GALNT13: variants seen among roughly 807,000 people sequenced by gnomAD.
The protein encoded by GALNT13 is polypeptide N-acetylgalactosaminyltransferase 13.
GALNT13 carries 28 observed loss-of-function variants against 64.2 expected under a neutral mutation model. The ratio of observed to expected loss-of-function variants is 0.44; its 90% CI spans 0.32 to 0.60. The LOEUF is 0.60. Among genes scored for constraint, GALNT13 ranks in the 20% least tolerant of loss-of-function variants. The pLI is 0.05. For missense variants in GALNT13, 577 were observed against 669.8 expected, an observed-to-expected ratio of 0.86 and a Z score of 1.53; for synonymous variants, 214 against 224.6, an observed-to-expected ratio of 0.95 and a Z score of 0.42.
At chr2:154,440,237 T>C (rs1001206288) in intron 12 of GALNT13, among the ~76,000 whole-genome samples, 1 of 152,198 alleles carries the variant, frequency 6.6e-6, no homozygotes. Flanking sequence ...GAAAGGGGAA[T>C]GATCGTGTAC....
chr2:153,512,525 T>G, the GALNT13 span, among the ~76,000 whole-genome samples: 1 of 152,158 alleles, frequency 6.6e-6, no homozygotes, highest in Non-Finnish European at 1.5e-5. Context: ...TATATTCCAG[T>G]CACACTTCCT....
the GALNT13 span, among the ~76,000 whole-genome samples, chr2:153,354,033 T>C: frequency 6.6e-6 from 1 of 152,178 alleles, no homozygotes; most frequent in Non-Finnish European, 1.5e-5. Flanking sequence ...GGCCTGGTAC[T>C]TTCTGTTTTG....
chr2:154,017,251 T>C (rs946656733), intron 3 of GALNT13, among the ~76,000 whole-genome samples: 1 of 152,120 alleles, frequency 6.6e-6, no homozygotes, highest in Non-Finnish European at 1.5e-5. Context: ...GTAAATGATA[T>C]GAAATATAAT....
chr2:154,211,163 A>G (rs1453731282), intron 4 of GALNT13, among the ~76,000 whole-genome samples: 10 of 152,152 alleles, frequency 6.6e-5, no homozygotes, highest in Admixed American at 6.5e-4. Context: ...TTATTTTGTC[A>G]TGCAAACATC....
intron 3 of GALNT13, among the ~76,000 whole-genome samples, chr2:154,084,874 T>A (rs940811902): frequency 6.6e-6 from 1 of 151,968 alleles, no homozygotes; most frequent in African/African-American, 2.4e-5. Context: ...ACATTTGCCT[T>A]AAATTTGTTA....
chr2:153,213,151 G>A, the GALNT13 span, among the ~76,000 whole-genome samples: 108 of 152,254 alleles, frequency 7.1e-4, no homozygotes, highest in African/African-American at 2.5e-3. Context: ...AAGAACCCTG[G>A]AACTTTATTA....
At chr2:154,340,899 AGTGTGTGT>A (rs57448184) in intron 9 of GALNT13, among the ~76,000 whole-genome samples, 1 of 149,200 alleles carries the variant, frequency 6.7e-6, no homozygotes, top group Non-Finnish European at 1.5e-5. Flanking sequence ...TGTGTGTATG[AGTGTGTGT>A]GTGTGTGTGT....
the GALNT13 span, among the ~76,000 whole-genome samples, chr2:153,333,202 T>A: frequency 6.6e-6 from 1 of 152,170 alleles, no homozygotes; most frequent in East Asian, 1.9e-4. Flanking sequence ...TTGGGAAAAA[T>A]ATCTGAAGCT....
chr2:153,201,477 T>C, the GALNT13 span, among the ~76,000 whole-genome samples: 1 of 152,226 alleles, frequency 6.6e-6, no homozygotes, highest in African/African-American at 2.4e-5. Flanking sequence ...ATATTGGTCA[T>C]GTCTTTAAAA....
At chr2:153,208,973 CT>C in the GALNT13 span, among the ~76,000 whole-genome samples, 2,498 of 74,568 alleles carry the variant, frequency 0.033, 25 homozygotes, top group African/African-American at 0.087. Context: ...TGGTTTTGGT[CT>C]TTTTTTTTTT....
At position 153,944,637 on chromosome 2, in the gene GALNT13, G is replaced by A. The variant is rs750826926; in HGVS notation, c.140G>A (p.Arg47Lys). 4 of 1,612,460 alleles carry A rather than the reference G, an allele frequency of 2.5e-6. No individual in the cohort carries two copies. The highest frequency in any genetic ancestry group is 2.5e-6 in the Non-Finnish European group (3 of 1,179,028). ...KKERSLLPAL[R>K]AVISRNQEGP... ...GAGAGATCTCTGCTGCCTGCATTGAGGGGTAAGTGCTTATGAAGCAAATAC... is the reference window on the plus strand; with the variant it reads ...GAGAGATCTCTGCTGCCTGCATTGAAGGGTAAGTGCTTATGAAGCAAATAC... Residue 47 changes from arginine (R) to lysine (K), a missense_variant and splice_region_variant, in exon 3 of 13, where the codon AGG (arginine) becomes AAG (lysine). By Grantham distance (26) the Arg-to-Lys change is conservative. Transcript: ENST00000392825.
chr2:153,729,431 G>C, the GALNT13 span, among the ~76,000 whole-genome samples: 1 of 151,928 alleles, frequency 6.6e-6, no homozygotes, highest in Admixed American at 6.6e-5. Context: ...AAAAATTAAG[G>C]TTACTGATTA....
At chr2:153,834,403 A>G in the GALNT13 span, among the ~76,000 whole-genome samples, 2 of 152,152 alleles carry the variant, frequency 1.3e-5, no homozygotes, top group East Asian at 3.8e-4. Context: ...AAGCCAAAGA[A>G]TCTCAGCCTT....
chr2:154,194,290 A>C lies in GALNT13; in HGVS notation c.312-47740A>C, dbSNP rs545582130. On this transcript the variant is annotated intron_variant, in intron 4 of 12. Coordinates refer to ENST00000392825, the MANE Select transcript of GALNT13 (RefSeq NM_052917.4). ...ACTAACACTGACCATTCTGTGCTTT[A>C]TTGACTCTAGACCATTATTCAGTGT... Among the ~76,000 whole-genome samples the C allele has an allele frequency of 1.1e-4, 17 of 152,330 alleles. No individual in the cohort carries two copies. In the East Asian group the frequency reaches 1.7e-3, roughly 16 times the overall value.
At chr2:153,298,828 G>C in the GALNT13 span, among the ~76,000 whole-genome samples, 3 of 152,172 alleles carry the variant, frequency 2.0e-5, no homozygotes, top group Non-Finnish European at 4.4e-5. Flanking sequence ...ATAGTTGGGA[G>C]CTCCCCTGAT....
chr2:153,808,503 G>A, the GALNT13 span, among the ~76,000 whole-genome samples: 2 of 151,810 alleles, frequency 1.3e-5, no homozygotes, highest in Non-Finnish European at 2.9e-5. Flanking sequence ...TTCTCCCCTC[G>A]GTTTTTAACT....
chr2:153,198,612 C>T, the GALNT13 span, among the ~76,000 whole-genome samples: 22,338 of 152,218 alleles, frequency 0.15, 2,101 homozygotes, highest in Non-Finnish European at 0.21. Flanking sequence ...GCACCCCTCT[C>T]CCATTTTTGT....
At chr2:153,624,210 T>G in the GALNT13 span, among the ~76,000 whole-genome samples, 1 of 152,262 alleles carries the variant, frequency 6.6e-6, no homozygotes, top group African/African-American at 2.4e-5. Context: ...TATGTCTTAC[T>G]TGAAGGCTTA....
the GALNT13 span, among the ~76,000 whole-genome samples, chr2:153,296,548 T>A: frequency 6.6e-6 from 1 of 152,182 alleles, no homozygotes; most frequent in Non-Finnish European, 1.5e-5. Context: ...CAGTATGTGA[T>A]TCATACATGA....
Sources: allele counts gnomAD v4.1 joint callset (sites outside exome capture counted in the v4.1 genomes callset), GRCh38; gene constraint gnomAD v4.1.1; transcripts MANE v1.5; gene names NCBI Gene and HGNC (gene_info 2026-07-23, HGNC 2026-07-21).